The following TAOK2 variants were observed in gnomAD, a reference collection of about 807,000 sequenced individuals.
The protein encoded by TAOK2 is TAO kinase 2, also known as serine/threonine-protein kinase TAO2.
TAOK2 carries 42 observed loss-of-function variants against 122.5 expected under a neutral mutation model. The observed-to-expected ratio is 0.34, with a 90% confidence interval of 0.27 to 0.44. TAOK2 has a LOEUF of 0.44. TAOK2 is among the 20% of genes least tolerant of loss of function. TAOK2 has a pLI of 1.00. For missense variants in TAOK2, 1,264 were observed against 1,644.9 expected, an observed-to-expected ratio of 0.77 and a Z score of 4.01; for synonymous variants, 704 against 677.6, an observed-to-expected ratio of 1.04 and a Z score of -0.61.
chr16:29,981,616 C>A (rs1220915813), intron 8 of TAOK2, 45 bp from the exon 9 acceptor site: 1 of 1,579,440 alleles, frequency 6.3e-7, no homozygotes, highest in Non-Finnish European at 8.7e-7. Context: ...TTGTCCTCTA[C>A]CCCCTGCCAC....
chr16:29,977,771 C>G lies in TAOK2; in HGVS notation c.-2C>G, dbSNP rs1048372850. 1 of 1,613,924 alleles carries G rather than the reference C, an allele frequency of 6.2e-7. No individual in the cohort carries two copies. Among genetic ancestry groups the G allele is most frequent in the Non-Finnish European group, 8.5e-7 (1 of 1,179,948 alleles). On this transcript the variant is annotated 5_prime_UTR_variant, in exon 2 of 16. Transcript: ENST00000308893. ...CCACTCTCAGGGCCCCCAGGGGCCA[C>G]CATGCCAGCTGGGGGCCGGGCCGGG...
downstream of TAOK2, chr16:29,988,874 G>A: frequency 1.0e-6 from 1 of 985,428 alleles, no homozygotes; most frequent in Non-Finnish European, 1.2e-6. Flanking sequence ...TGGAGTGGGA[G>A]CTGAGTGTGT....
chr16:29,978,379 G>A (rs772474827), intron 4 of TAOK2, 26 bp downstream of exon 4: 2 of 1,606,788 alleles, frequency 1.2e-6, no homozygotes, highest in African/African-American at 1.3e-5. Flanking sequence ...ATTCTGGCCT[G>A]ATCTTTACTC....
In TAOK2 at chr16:29,983,182, C is replaced by T; in HGVS notation, c.1110C>T (p.Ser370=). 1 of 1,614,046 alleles carries T rather than the reference C, an allele frequency of 6.2e-7. No homozygotes were observed. The highest frequency in any genetic ancestry group is 8.5e-7 in the Non-Finnish European group (1 of 1,180,014). Residue 370 remains serine, a synonymous_variant, in exon 12 of 16, where the codon AGC becomes AGT. Coordinates refer to ENST00000308893, the MANE Select transcript of TAOK2 (RefSeq NM_016151.4). ...CCAGCCAGAGCAGCTCCGTCAACAGCCTAGCAGATGCCTCAGACAACGAGG... is the reference window on the plus strand; with the variant it reads ...CCAGCCAGAGCAGCTCCGTCAACAGTCTAGCAGATGCCTCAGACAACGAGG... The part of the protein sequence containing the change: ...SASSQSSSVN[S]LADASDNEEE...
downstream of TAOK2, chr16:29,988,829 T>TA: frequency 2.0e-6 from 2 of 984,998 alleles, no homozygotes; most frequent in Non-Finnish European, 2.4e-6. Context: ...CCAGGCGGAG[T>TA]ATGAAGGCTG....
At position 29,979,606 on chromosome 16, in the gene TAOK2, G is replaced by C; in HGVS notation, c.655+98G>C. ...CCCTTCTCCTAGGGATGGGATCCCA[G>C]GCCTCCAAGTTCCTGTCCGTTGTGA... On this transcript the variant is annotated intron_variant, in intron 8 of 15. Coordinates refer to ENST00000308893, the MANE Select transcript of TAOK2 (RefSeq NM_016151.4). This position sits in a 1 kb window ranked among gnomAD's most constrained non-coding sequence, Gnocchi z 4.1. 9.8e-7 allele frequency: 1 copy of C among 1,022,326 alleles called. No homozygotes were observed. Among genetic ancestry groups the C allele is most frequent in the Non-Finnish European group, 1.4e-6 (1 of 722,638 alleles). 63.3% of individuals were successfully genotyped at this position (1,022,326 alleles called of 1,614,324 possible). A position where few individuals can be genotyped will look rare whatever the true frequency, so the allele number is the denominator to read the frequency against.
rs2069768558 is a variant in TAOK2, at chr16:29,985,779, A to T, written c.1910A>T (p.Gln637Leu). 21 of 1,611,438 alleles carry T rather than the reference A, an allele frequency of 1.3e-5. 1 individual carries two copies. The South Asian group carries it at 2.2e-4, about 17-fold the overall frequency. Residue 637 changes from glutamine to leucine, a missense_variant, in exon 15 of 16, where the codon CAG becomes CTG. By Grantham distance (113) the Gln-to-Leu change is moderately radical (BLOSUM62 -2). Around this residue, in one of 4 missense-constraint regions of TAOK2, gnomAD observed 824 missense variants for 908.7 expected, o/e 0.91. Coordinates refer to ENST00000308893, the MANE Select transcript of TAOK2 (RefSeq NM_016151.4). This position sits in a 1 kb window ranked among gnomAD's most constrained non-coding sequence, Gnocchi z 6.9. The stretch of plus-strand genomic sequence containing the variant: ...GCAGGGCTGCTGCGGCGGCAGCGCC[A>T]GTACTTTGAGCTGCAGTGTCGCCAG... The part of the protein sequence containing the change: ...EEAGLLRRQR[Q>L]YFELQCRQYK...
chr16:29,988,988 G>A (rs951671651), downstream of TAOK2: 21 of 985,218 alleles, frequency 2.1e-5, no homozygotes, highest in African/African-American at 2.1e-4. Flanking sequence ...TCTCCTCTGC[G>A]GCCCAAAATG....
chr16:29,981,465 G>C, intron 8 of TAOK2, 196 bp from the exon 9 acceptor site: 1 of 654,784 alleles, frequency 1.5e-6, no homozygotes, highest in South Asian at 1.7e-5. Context: ...CCACCCGTGT[G>C]CAGTGGAGAG....
chr16:29,978,679 G>C, intron 4 of TAOK2, 120 bp from the exon 5 acceptor site: 1 of 1,155,766 alleles, frequency 8.7e-7, no homozygotes, highest in East Asian at 2.4e-5. Flanking sequence ...ATTGTCTCCA[G>C]TTGCGCTTCC....
At position 29,986,746 on chromosome 16, in the gene TAOK2, G is replaced by A. The variant is rs2069810772; in HGVS notation, c.2474G>A (p.Ser825Asn). The change falls in exon 16 of 16, where the codon AGT becomes AAT. Residue 825 changes from serine to asparagine, a missense_variant. Ser to Asn is a conservative substitution (Grantham distance 46). This residue lies in a region of TAOK2 where 824 missense variants were observed against 908.7 expected (regional missense o/e 0.91). Transcript: ENST00000308893. This position sits in a 1 kb window ranked among gnomAD's most constrained non-coding sequence, Gnocchi z 4.2. ...CTGGGGGAAGAATCAGGAGCCCCTA[G>A]TCCCAGTCCACAAAAACATGGGAGC... ...RILGEESGAP[S>N]PSPQKHGSLV... 1 of 1,613,922 alleles carries A rather than the reference G, an allele frequency of 6.2e-7. No homozygotes were observed. Among genetic ancestry groups the A allele is most frequent in the South Asian group, 1.1e-5 (1 of 91,080 alleles).
intron 2 of TAOK2, 53 bp downstream of exon 2, chr16:29,977,957 G>C (rs746116377): frequency 6.4e-5 from 103 of 1,613,058 alleles, no homozygotes; most frequent in Non-Finnish European, 8.3e-5. Flanking sequence ...TCCTATCCCT[G>C]TGGACTTCCC....
intron 1 of TAOK2, among the ~76,000 whole-genome samples, chr16:29,975,351 G>A (rs980683888): frequency 2.0e-5 from 3 of 152,214 alleles, no homozygotes; most frequent in Admixed American, 2.0e-4. Flanking sequence ...TTGAGGCCGA[G>A]AGAGGTTGCC....
chr16:29,986,828 C>T lies in TAOK2; in HGVS notation c.2556C>T (p.Pro852=). The T allele has an allele frequency of 6.2e-7, 1 of 1,613,976 alleles. No homozygotes were observed. The part of the protein sequence containing the change: ...LPEEIEELRV[P]SLVPQERSIV... ...AGGAGATAGAGGAGCTTAGGGTGCC[C>T]TCCCTTGTACCCCAGGAGAGGAGCA... Residue 852 remains proline, a synonymous_variant, in exon 16 of 16, where the codon CCC becomes CCT. Transcript: ENST00000308893. The surrounding 1 kb of genome is among the most constrained non-coding windows in gnomAD (Gnocchi z 4.2).
At position 29,979,171 on chromosome 16, in the gene TAOK2, A is replaced by T; in HGVS notation, c.450-24A>T. ...CTAGCTTTCTTGAGACACATGTCTC[A>T]TCCCTGTACTTTGCCTCTGGCAGGG... is the stretch of plus-strand genomic sequence containing the variant. On this transcript the variant is annotated intron_variant, in intron 6 of 15. Coordinates refer to ENST00000308893, the MANE Select transcript of TAOK2 (RefSeq NM_016151.4). This position sits in a 1 kb window ranked among gnomAD's most constrained non-coding sequence, Gnocchi z 4.1. 1 of 1,614,010 alleles carries T rather than the reference A, an allele frequency of 6.2e-7. No homozygotes were observed. Among genetic ancestry groups the T allele is most frequent in the Middle Eastern group, 1.6e-4 (1 of 6,062 alleles).
Position 29,987,531 on chromosome 16 carries a change from C to T in TAOK2, c.3259C>T (p.Arg1087Trp), listed in dbSNP as rs1031649698. 1.1e-5 allele frequency: 17 copies of T among 1,610,794 alleles called. No homozygotes were observed. Among genetic ancestry groups the T allele is most frequent in the East Asian group, 2.2e-5 (1 of 44,828 alleles). ...VRRGISRLWL[R>W]VLLRLSPMAF... ...CCGGGGCATATCTCGACTCTGGTTG[C>T]GGGTTCTGCTGCGCCTGTCACCCAT... Residue 1087 changes from arginine to tryptophan, a missense_variant, in exon 16 of 16, where the codon CGG becomes TGG. Physicochemically the swap from Arg to Trp is moderately radical, Grantham distance 101 (BLOSUM62 -3). Around this residue, in one of 4 missense-constraint regions of TAOK2, gnomAD observed 824 missense variants for 908.7 expected, o/e 0.91. Coordinates refer to ENST00000308893, the MANE Select transcript of TAOK2 (RefSeq NM_016151.4).
At chr16:29,976,987 G>A (rs944298785) in intron 1 of TAOK2, among the ~76,000 whole-genome samples, 1 of 152,208 alleles carries the variant, frequency 6.6e-6, no homozygotes, top group Non-Finnish European at 1.5e-5. Context: ...TCATAAGGTT[G>A]TAGTGAGGAC....
intron 1 of TAOK2, among the ~76,000 whole-genome samples, 180 bp from the exon 2 acceptor site, chr16:29,977,558 G>A (rs1023976139): frequency 6.6e-6 from 1 of 152,192 alleles, no homozygotes; most frequent in Admixed American, 6.5e-5. Context: ...TGATCTGGTT[G>A]CCAGGGCAAC....
chr16:29,989,002 C>T (rs2069900445), downstream of TAOK2: 1 of 985,364 alleles, frequency 1.0e-6, no homozygotes, highest in Non-Finnish European at 1.2e-6. Context: ...CAAAATGGGG[C>T]AGCCCCTTCT....
Sources: gnomAD v4.1 joint callset for allele counts (sites outside exome capture counted in the v4.1 genomes callset) on GRCh38, gnomAD v4.1.1 for gene constraint, gnomAD v4.1.1 regional missense constraint, Gnocchi (gnomAD v3.1) non-coding constraint, MANE v1.5 for transcripts, NCBI Gene and HGNC (gene_info 2026-07-23, HGNC 2026-07-21) for gene names.